SLC45A4: variants seen among roughly 807,000 people sequenced by gnomAD.
SLC45A4 encodes the protein polyamine-transporter SLC45A4.
Under a neutral mutation model 63.7 loss-of-function variants are expected in SLC45A4, and 32 were observed. That is an observed-to-expected ratio of 0.50 (90% CI 0.38 to 0.67). The LOEUF (loss-of-function observed/expected upper bound fraction) is 0.67, where lower values mean the gene tolerates loss of function less well. SLC45A4 is among the 30% of genes least tolerant of loss of function. The pLI, the probability that SLC45A4 is intolerant of heterozygous loss-of-function variation, is 0.00. For synonymous variants in SLC45A4, 535 were observed against 510.0 expected (o/e 1.05, Z -0.66); for missense variants, 1,027 against 1,157.7 (o/e 0.89, Z 1.64).
rs144992718 is a variant in SLC45A4 at position 141,217,181 on chromosome 8, C to G, written c.1638G>C (p.Ser546=). The G allele has an allele frequency of 7.4e-5, 119 of 1,613,524 alleles. No individual in the cohort carries two copies. The highest frequency in any genetic ancestry group is 9.7e-5 in the Non-Finnish European group (115 of 1,179,970). ...VIFEGDPKAP[S]NSTAWQAYNA... is the part of the protein sequence containing the mutation. ...TGTAGGCTTGCCAGGCGGTCGAGTT[C>G]GAGGGGGCCTGTTCCGGAAATGAGA... Residue 546 remains serine (S), a synonymous_variant, in exon 6 of 9, where the codon TCG becomes TCC. Coordinates refer to ENST00000517878, the MANE Select transcript of SLC45A4 (RefSeq NM_001286646.2).
Position 141,229,491 on chromosome 8 carries a change from C to T in SLC45A4, c.242-7726G>A, listed in dbSNP as rs1274683567. Among the ~76,000 whole-genome samples the T allele has an allele frequency of 3.3e-5, 5 of 152,156 alleles. No homozygotes were observed. The highest frequency in any genetic ancestry group is 6.5e-5 in the Admixed American group (1 of 15,278). On this transcript the variant is annotated intron_variant, in intron 2 of 8. Transcript: ENST00000517878. The surrounding 1 kb of genome is among the most constrained non-coding windows in gnomAD (Gnocchi z 5.0). ...GGGAGGGTCCAGCCAGTGCCTTCCC[C>T]GGGTAGGGGCAGCTCCCCTGGTGTC...
Position 141,218,809 on chromosome 8 carries a change from C to G in SLC45A4, c.831G>C (p.Pro277=). 6.2e-7 allele frequency: 1 copy of G among 1,613,034 alleles called. No individual in the cohort carries two copies. The highest frequency in any genetic ancestry group is 1.6e-4 in the Middle Eastern group (1 of 6,062). ...CGTCTGGGAAGGCAGGGACGCCGTG[C>G]GGCTCGCCCCCATCCAGGGCGCCGG... is the stretch of plus-strand genomic sequence containing the variant. ...EEPGALDGGE[P]HGVPAFPDEV... The change falls in exon 5 of 9, where the codon CCG becomes CCC. Residue 277 remains proline (P), a synonymous_variant. Transcript: ENST00000517878.
intron 2 of SLC45A4, among the ~76,000 whole-genome samples, chr8:141,250,782 G>A (rs533870747): frequency 2.6e-5 from 4 of 152,298 alleles, no homozygotes; most frequent in African/African-American, 9.6e-5. Flanking sequence ...TATTTTCAAC[G>A]ATGGGTTTAC....
At chr8:141,290,699 C>A (rs2154615276) in intron 1 of SLC45A4, among the ~76,000 whole-genome samples, 1 of 152,354 alleles carries the variant, frequency 6.6e-6, no homozygotes, top group Non-Finnish European at 1.5e-5. Context: ...CCATGAACGA[C>A]CAGGTCAAGC....
chr8:141,304,439 G>A (rs1830836456), intron 1 of SLC45A4, among the ~76,000 whole-genome samples: 2 of 151,870 alleles, frequency 1.3e-5, no homozygotes, highest in Admixed American at 1.3e-4. Flanking sequence ...TGCACCTGTA[G>A]TCCTAGCTAT....
chr8:141,251,180 A>C (rs189369555), intron 2 of SLC45A4, among the ~76,000 whole-genome samples: 52 of 152,328 alleles, frequency 3.4e-4, no homozygotes, highest in African/African-American at 1.2e-3. Context: ...CAGTGCTTTC[A>C]TGATTAGCTC....
At chr8:141,253,405 C>A in intron 2 of SLC45A4, 1 of 208,134 alleles carries the variant, frequency 4.8e-6, no homozygotes, top group Non-Finnish European at 9.8e-6. Context: ...AAATGCCTGT[C>A]TCTGAGCCAT....
chr8:141,295,864 ATCTCGT>A (rs1201976617), intron 1 of SLC45A4, among the ~76,000 whole-genome samples: 1 of 152,184 alleles, frequency 6.6e-6, no homozygotes, highest in Non-Finnish European at 1.5e-5. Context: ...TGCGGAGCTC[ATCTCGT>A]AAGGTCAGAG....
intron 1 of SLC45A4, among the ~76,000 whole-genome samples, chr8:141,257,235 T>C (rs1047445818): frequency 1.3e-5 from 2 of 152,254 alleles, no homozygotes; most frequent in East Asian, 3.8e-4. Context: ...TCTGCTATTC[T>C]TGTTCCGCCC....
chr8:141,251,980 C>G (rs547459906), intron 2 of SLC45A4, among the ~76,000 whole-genome samples: 1 of 146,246 alleles, frequency 6.8e-6, no homozygotes, highest in East Asian at 2.0e-4. Context: ...ACCGAGGGAT[C>G]CGCACTGCAG....
Position 141,208,674 on chromosome 8 carries a change from C to T in SLC45A4, c.*2898G>A, listed in dbSNP as rs926637233. On this transcript the variant is annotated 3_prime_UTR_variant, in exon 9 of 9. Transcript: ENST00000517878. The stretch of plus-strand genomic sequence containing the variant: ...GAGTGAGAAAAACAACACTCCAAAG[C>T]TAGCTCTTCAGCCACCAGGGAACGT... 6.6e-6 allele frequency: 1 copy of T among 152,298 alleles called. No homozygotes were observed. The highest frequency in any genetic ancestry group is 1.5e-5 in the Non-Finnish European group (1 of 68,080). 9.4% of individuals were successfully genotyped at this position (152,298 alleles called of 1,614,324 possible).
chr8:141,285,172 C>T (rs981607940), intron 1 of SLC45A4, among the ~76,000 whole-genome samples: 1 of 152,218 alleles, frequency 6.6e-6, no homozygotes, highest in African/African-American at 2.4e-5. Context: ...CCAGCTCCTG[C>T]CTTCAGCACG....
intron 1 of SLC45A4, among the ~76,000 whole-genome samples, chr8:141,266,421 C>G (rs961955799): frequency 6.6e-6 from 1 of 152,196 alleles, no homozygotes; most frequent in Non-Finnish European, 1.5e-5. Flanking sequence ...CCACCATCAG[C>G]CTCGGACGGC....
rs576666892 is a variant in SLC45A4, at chr8:141,218,713, C to T, written c.927G>A (p.Ser309=). 10 of 1,612,650 alleles carry T rather than the reference C, an allele frequency of 6.2e-6. No individual in the cohort carries two copies. Among genetic ancestry groups the T allele is most frequent in the East Asian group, 4.5e-5 (2 of 44,870 alleles). Residue 309 remains serine (S), a synonymous_variant, in exon 5 of 9, where the codon TCG becomes TCA. Transcript: ENST00000517878. ...DVDIMRSKSD[S]ALHVPDTALD... Reference sequence around the variant, plus strand: ...GCGCGGTGTCCGGCACGTGCAATGCCGAGTCGCTTTTGCTGCGCATGATGT... The same window carrying T: ...GCGCGGTGTCCGGCACGTGCAATGCTGAGTCGCTTTTGCTGCGCATGATGT...
intron 1 of SLC45A4, among the ~76,000 whole-genome samples, chr8:141,255,404 C>G (rs1017438447): frequency 6.6e-6 from 1 of 152,124 alleles, no homozygotes; most frequent in Admixed American, 6.5e-5. Context: ...TAGACCCTGC[C>G]TGGAGAGGTG....
chr8:141,208,936 A>C lies in SLC45A4; in HGVS notation c.*2636T>G, dbSNP rs1289394336. 6.6e-6 allele frequency: 1 copy of C among 152,546 alleles called. No homozygotes were observed. The highest frequency in any genetic ancestry group is 2.4e-5 in the African/African-American group (1 of 41,476). The allele number at this position is 152,546 out of a possible 1,614,324, so 9.4% of individuals were successfully genotyped here. A position where few individuals can be genotyped will look rare whatever the true frequency, so the allele number is the denominator to read the frequency against. On this transcript the variant is annotated 3_prime_UTR_variant, in exon 9 of 9. Coordinates refer to ENST00000517878, the MANE Select transcript of SLC45A4 (RefSeq NM_001286646.2). ...GTTTGGTAACTGGTCTGCGCACATT[A>C]CACAAGACTCGACCAACCGACACAC...
intron 2 of SLC45A4, among the ~76,000 whole-genome samples, chr8:141,223,653 A>G (rs568100293): frequency 6.6e-6 from 1 of 152,138 alleles, no homozygotes; most frequent in African/African-American, 2.4e-5. Context: ...CTGCCTGGGA[A>G]CCCCTCCTGC....
chr8:141,267,459 C>G (rs1829318776), intron 1 of SLC45A4, among the ~76,000 whole-genome samples: 1 of 152,214 alleles, frequency 6.6e-6, no homozygotes, highest in African/African-American at 2.4e-5. Flanking sequence ...CTTGATGACG[C>G]CGGACAGTGC....
intron 3 of SLC45A4, among the ~76,000 whole-genome samples, chr8:141,220,246 C>T (rs11777591): frequency 0.11 from 16,896 of 152,212 alleles, 1,025 homozygotes; most frequent in East Asian, 0.25. Context: ...ACAGACAACC[C>T]GCAGGGGACA....
Sources: gnomAD v4.1 joint callset for allele counts (sites outside exome capture counted in the v4.1 genomes callset) on GRCh38, gnomAD v4.1.1 for gene constraint, Gnocchi (gnomAD v3.1) non-coding constraint, MANE v1.5 for transcripts, NCBI Gene and HGNC (gene_info 2026-07-23, HGNC 2026-07-21) for gene names.